The following ZSCAN25 variants were observed in gnomAD, a reference collection of about 807,000 sequenced individuals.
The protein encoded by ZSCAN25 is zinc finger and SCAN domain-containing protein 25.
ZSCAN25 carries 27 observed loss-of-function variants against 38.7 expected under a neutral mutation model. The observed-to-expected ratio is 0.70, with a 90% CI of 0.51 to 0.96. The LOEUF is 0.96. ZSCAN25 is among the 40% of genes least tolerant of loss of function. The pLI is 0.00. For synonymous variants in ZSCAN25, 273 were observed against 277.7 expected, an observed-to-expected ratio of 0.98 and a Z score of 0.17; for missense variants, 637 against 705.9, an observed-to-expected ratio of 0.90 and a Z score of 1.11.
At chr7:99,680,043 C>T in the ZSCAN25 span, 4 of 706,496 alleles carry the variant, frequency 5.7e-6, no homozygotes, top group East Asian at 1.0e-4. Flanking sequence ...GAGAAGGAGG[C>T]AGGGCTATAG....
At chr7:99,674,059 A>C in the ZSCAN25 span, among the ~76,000 whole-genome samples, 2 of 152,200 alleles carry the variant, frequency 1.3e-5, no homozygotes, top group Admixed American at 6.5e-5. Flanking sequence ...CAAGAAGGCT[A>C]TGAAGAGAGG....
At position 99,618,533 on chromosome 7, in the gene ZSCAN25, C is replaced by A. The variant is rs140891399; in HGVS notation, c.-250C>A. ...TCCATTGTCTTTTTCAGGTTGAGCGCACCATCACATCTAAGCCATCAGCAA... is the reference window on the plus strand; with the variant it reads ...TCCATTGTCTTTTTCAGGTTGAGCGAACCATCACATCTAAGCCATCAGCAA... On this transcript the variant is annotated 5_prime_UTR_variant, in exon 2 of 8. Transcript: ENST00000394152. The A allele has an allele frequency of 1.2e-4, 19 of 152,270 alleles. No individual in the cohort carries two copies. In the East Asian group the frequency reaches 3.7e-3, roughly 29 times the overall value. 9.4% of individuals were successfully genotyped at this position (152,270 alleles called of 1,614,324 possible).
the ZSCAN25 span, among the ~76,000 whole-genome samples, chr7:99,639,921 G>A: frequency 1.3e-5 from 2 of 152,138 alleles, no homozygotes; most frequent in East Asian, 3.9e-4. Context: ...TGAAAAATTA[G>A]CTGAGCATAG....
At chr7:99,652,683 T>C in the ZSCAN25 span, 5 of 1,614,134 alleles carry the variant, frequency 3.1e-6, no homozygotes, top group East Asian at 1.1e-4. Flanking sequence ...TTGCAAGTCC[T>C]CTCAAGTCTA....
At chr7:99,705,607 A>G in the ZSCAN25 span, 1 of 1,612,748 alleles carries the variant, frequency 6.2e-7, no homozygotes, top group South Asian at 1.1e-5. Context: ...TGCAACAGTT[A>G]AACGAGCATA....
chr7:99,679,165 A>C, the ZSCAN25 span, among the ~76,000 whole-genome samples: 19 of 152,184 alleles, frequency 1.2e-4, no homozygotes, highest in African/African-American at 3.9e-4. Flanking sequence ...CTAGAGGTTA[A>C]TCATTGCAAG....
chr7:99,706,095 G>A, the ZSCAN25 span, among the ~76,000 whole-genome samples: 1 of 152,158 alleles, frequency 6.6e-6, no homozygotes, highest in Non-Finnish European at 1.5e-5. Context: ...GTGTAAAGAT[G>A]GGAAGACACC....
the ZSCAN25 span, among the ~76,000 whole-genome samples, chr7:99,704,160 G>A: frequency 6.6e-6 from 1 of 152,178 alleles, no homozygotes; most frequent in East Asian, 1.9e-4. Context: ...AGGATGGAAT[G>A]CAAGAGGTGT....
the ZSCAN25 span, among the ~76,000 whole-genome samples, chr7:99,677,688 TC>T: frequency 6.6e-6 from 1 of 152,216 alleles, no homozygotes; most frequent in East Asian, 1.9e-4. Context: ...TACATTTGGT[TC>T]CCTGCCCCAG....
the ZSCAN25 span, among the ~76,000 whole-genome samples, chr7:99,689,734 C>T: frequency 1.3e-5 from 2 of 152,110 alleles, no homozygotes; most frequent in Non-Finnish European, 2.9e-5. Flanking sequence ...TAGGAATCCA[C>T]CTTACAAGGG....
chr7:99,701,441 A>G, the ZSCAN25 span, among the ~76,000 whole-genome samples: 1 of 152,216 alleles, frequency 6.6e-6, no homozygotes, highest in African/African-American at 2.4e-5. Flanking sequence ...TCTTCAATAT[A>G]TGGATTTCCT....
At chr7:99,654,476 T>G in the ZSCAN25 span, among the ~76,000 whole-genome samples, 1 of 152,252 alleles carries the variant, frequency 6.6e-6, no homozygotes. Context: ...TAATCCAGTC[T>G]ATCATTATTG....
the ZSCAN25 span, among the ~76,000 whole-genome samples, chr7:99,656,082 G>T: frequency 6.6e-5 from 10 of 152,052 alleles, no homozygotes; most frequent in Non-Finnish European, 1.3e-4. Context: ...TCTTTCTCTT[G>T]CCTGATTGCC....
the ZSCAN25 span, chr7:99,711,001 G>A: frequency 1.9e-6 from 3 of 1,568,806 alleles, no homozygotes; most frequent in South Asian, 3.4e-5. Flanking sequence ...GGAAAAAATA[G>A]AAAAGCAATT....
the ZSCAN25 span, chr7:99,708,920 T>G: frequency 3.2e-6 from 4 of 1,254,864 alleles, no homozygotes; most frequent in East Asian, 2.4e-5. Flanking sequence ...AAAAAACCTT[T>G]TAAACATAAA....
Position 99,619,908 on chromosome 7 carries a change from G to A in ZSCAN25, c.302G>A (p.Trp101Ter). 1 of 1,614,254 alleles carries A rather than the reference G, an allele frequency of 6.2e-7. No individual in the cohort carries two copies. Among genetic ancestry groups the A allele is most frequent in the Non-Finnish European group, 8.5e-7 (1 of 1,180,056 alleles). The stretch of plus-strand genomic sequence containing the variant: ...ATCCTGCCCCGCGAGTTCTACGCCT[G>A]GATCCGGGAGCATGGCCCAGAGAGT... The part of the protein sequence containing the change: ...LTILPREFYA[W>*]IREHGPESGK... The change falls in exon 4 of 8, where the codon TGG (tryptophan) becomes TAG (stop). Residue 101 changes from tryptophan (W) to a stop codon, truncating the protein, a stop_gained. Transcript: ENST00000394152. LOFTEE classifies it high-confidence loss of function.
At chr7:99,635,731 A>T (rs1400873274), downstream of ZSCAN25, among the ~76,000 whole-genome samples, 4 of 152,220 alleles carry the variant, frequency 2.6e-5, no homozygotes, top group Non-Finnish European at 5.9e-5. Flanking sequence ...ATCTGTCTTC[A>T]CAAGTTAGAA....
the ZSCAN25 span, chr7:99,731,229 G>T: frequency 2.0e-6 from 3 of 1,530,566 alleles, no homozygotes; most frequent in East Asian, 6.8e-5. Flanking sequence ...ACTGACTGAG[G>T]AACTGGAATG....
chr7:99,711,781 A>AAACAAC, the ZSCAN25 span, among the ~76,000 whole-genome samples: 45 of 151,328 alleles, frequency 3.0e-4, no homozygotes, highest in Middle Eastern at 3.4e-3. Flanking sequence ...AAACAAAACA[A>AAACAAC]AACAACAACA....
Sources: allele counts gnomAD v4.1 joint callset (sites outside exome capture counted in the v4.1 genomes callset), GRCh38; gene constraint gnomAD v4.1.1; transcripts MANE v1.5; gene names NCBI Gene and HGNC (gene_info 2026-07-23, HGNC 2026-07-21).